Variants in GPHN observed in about 807,000 individuals in gnomAD.
GPHN encodes the protein gephyrin.
Under a neutral mutation model 95.5 loss-of-function variants are expected in GPHN, and 17 were observed. The observed-to-expected ratio is 0.18, with a 90% CI of 0.12 to 0.27. The LOEUF (loss-of-function observed/expected upper bound fraction) is 0.27, where lower values mean the gene tolerates loss of function less well. Ranked by LOEUF, GPHN falls within the 10% of genes least tolerant of loss-of-function variation. The pLI is 1.00. For synonymous variants in GPHN, 320 were observed against 322.5 expected (o/e 0.99, Z 0.08); for missense variants, 660 against 978.1 (o/e 0.67, Z 4.34).
chr14:66,731,981 TGTTGG>T (rs1566881524), intron 2 of GPHN, among the ~76,000 whole-genome samples: 1 of 152,116 alleles, frequency 6.6e-6, no homozygotes, highest in African/African-American at 2.4e-5. Flanking sequence ...TTCCATGTGG[TGTTGG>T]GCCTGAGGGT....
intron 4 of GPHN, among the ~76,000 whole-genome samples, chr14:66,838,750 C>T (rs1238895901): frequency 6.6e-6 from 1 of 152,108 alleles, no homozygotes; most frequent in African/African-American, 2.4e-5. Context: ...GGATTTCTCT[C>T]TCTGTGTATT....
chr14:66,930,317 G>A (rs979819575), intron 8 of GPHN, among the ~76,000 whole-genome samples: 3 of 151,374 alleles, frequency 2.0e-5, no homozygotes, highest in Admixed American at 2.0e-4. Context: ...ACTATTGTTA[G>A]TTTTTTGGTT....
intron 10 of GPHN, among the ~76,000 whole-genome samples, chr14:67,046,643 C>A (rs2075034571): frequency 6.6e-6 from 1 of 152,094 alleles, no homozygotes; most frequent in African/African-American, 2.4e-5. Context: ...TTTTAATCAG[C>A]CCTAGTAAAT....
At chr14:67,355,346 A>C in the GPHN span, among the ~76,000 whole-genome samples, 1 of 151,088 alleles carries the variant, frequency 6.6e-6, no homozygotes, top group South Asian at 2.1e-4. Flanking sequence ...TACCAAAGTC[A>C]AGCAGAAACT....
chr14:67,008,298 A>G (rs975263329), intron 9 of GPHN, among the ~76,000 whole-genome samples: 3 of 151,572 alleles, frequency 2.0e-5, no homozygotes, highest in African/African-American at 7.3e-5. Flanking sequence ...CTAAAAATAC[A>G]CAAAAAAATT....
chr14:67,000,790 A>C (rs2072162464), intron 9 of GPHN, among the ~76,000 whole-genome samples: 1 of 151,690 alleles, frequency 6.6e-6, no homozygotes, highest in African/African-American at 2.4e-5. Flanking sequence ...TAATCCATAG[A>C]GATAATGGGA....
the GPHN span, among the ~76,000 whole-genome samples, chr14:67,481,573 G>C: frequency 2.0e-5 from 3 of 152,340 alleles, no homozygotes; most frequent in South Asian, 6.2e-4. Context: ...CTCCCAGTGT[G>C]GTGGGGAAGA....
At chr14:66,593,503 T>C (rs1465941194) in intron 1 of GPHN, among the ~76,000 whole-genome samples, 4 of 151,954 alleles carry the variant, frequency 2.6e-5, no homozygotes, top group African/African-American at 9.7e-5. Context: ...TATAAAACCA[T>C]AAGATCTTAT....
chr14:67,365,668 G>T, the GPHN span, among the ~76,000 whole-genome samples: 1 of 152,048 alleles, frequency 6.6e-6, no homozygotes, highest in African/African-American at 2.4e-5. Flanking sequence ...ATACCATTAC[G>T]TAGGTTTTAG....
At chr14:66,869,849 G>C (rs2063363268) in intron 4 of GPHN, among the ~76,000 whole-genome samples, 1 of 152,050 alleles carries the variant, frequency 6.6e-6, no homozygotes, top group Admixed American at 6.6e-5. Flanking sequence ...TAAGTACTCT[G>C]GAAACTTAGG....
the GPHN span, among the ~76,000 whole-genome samples, chr14:67,266,779 G>A: frequency 2.6e-5 from 4 of 151,984 alleles, no homozygotes; most frequent in Admixed American, 1.3e-4. Flanking sequence ...GTCAGTATAC[G>A]ACTTGTTTTT....
the GPHN span, chr14:67,333,604 T>C: frequency 6.6e-6 from 1 of 152,626 alleles, no homozygotes; most frequent in African/African-American, 2.4e-5. Context: ...GCTCAGACTT[T>C]GTGGATCAGA....
At chr14:66,808,949 T>A (rs1049907925) in intron 3 of GPHN, among the ~76,000 whole-genome samples, 1 of 152,150 alleles carries the variant, frequency 6.6e-6, no homozygotes, top group Admixed American at 6.5e-5. Flanking sequence ...ATGTACTAAA[T>A]GTAAATAAGC....
At chr14:67,714,695 G>T in the GPHN span, 1 of 153,290 alleles carries the variant, frequency 6.5e-6, no homozygotes, top group Non-Finnish European at 1.5e-5. Context: ...GTTCAAAAAT[G>T]CCCCACACAT....
chr14:67,725,412 G>C, the GPHN span, among the ~76,000 whole-genome samples: 2 of 152,186 alleles, frequency 1.3e-5, no homozygotes, highest in Non-Finnish European at 2.9e-5. Flanking sequence ...GCAAGAGGAT[G>C]GTGGGTAGAT....
the GPHN span, among the ~76,000 whole-genome samples, chr14:67,294,122 C>A: frequency 6.6e-6 from 1 of 152,162 alleles, no homozygotes; most frequent in Admixed American, 6.5e-5. Context: ...GGATAGTTCA[C>A]ATATTCACAT....
chr14:66,676,286 T>G (rs1172656265), intron 1 of GPHN, among the ~76,000 whole-genome samples: 3 of 152,264 alleles, frequency 2.0e-5, no homozygotes, highest in South Asian at 2.1e-4. Flanking sequence ...CCTTTCTAAT[T>G]TAGATGAACT....
chr14:66,920,327 C>T (rs2066149876), intron 6 of GPHN, among the ~76,000 whole-genome samples: 1 of 151,884 alleles, frequency 6.6e-6, no homozygotes. Context: ...GGGTAGTATA[C>T]AAGTTTTTAG....
At chr14:67,445,114 C>T in the GPHN span, among the ~76,000 whole-genome samples, 12 of 152,156 alleles carry the variant, frequency 7.9e-5, no homozygotes, top group Non-Finnish European at 1.3e-4. Flanking sequence ...GGTTGCTGAA[C>T]GCATGTCTTG....
Sources: allele counts gnomAD v4.1 joint callset (sites outside exome capture counted in the v4.1 genomes callset), GRCh38; gene constraint gnomAD v4.1.1; transcripts MANE v1.5; gene names NCBI Gene and HGNC (gene_info 2026-07-23, HGNC 2026-07-21).